ANO4: variants seen among roughly 807,000 people sequenced by gnomAD.
ANO4 encodes the protein anoctamin 4.
A neutral mutation model predicts 141.9 loss-of-function variants in ANO4; 69 were observed. The ratio of observed to expected loss-of-function variants is 0.49; its 90% CI spans 0.40 to 0.59. The LOEUF (loss-of-function observed/expected upper bound fraction) is 0.59, where lower values mean the gene tolerates loss of function less well. Among genes scored for constraint, ANO4 ranks in the 20% least tolerant of loss-of-function variants. ANO4 has a pLI of 0.00. For missense variants in ANO4, 894 were observed against 1,162.2 expected (o/e 0.77, Z 3.36); for synonymous variants, 350 against 394.3 (o/e 0.89, Z 1.33).
chr12:101,056,407 T>C (rs2048118887), intron 14 of ANO4, among the ~76,000 whole-genome samples: 2 of 152,190 alleles, frequency 1.3e-5, no homozygotes, highest in South Asian at 4.1e-4. Flanking sequence ...TCATTGCTAC[T>C]ACATAGAAAT....
At chr12:101,056,015 T>G (rs1311110760) in intron 14 of ANO4, among the ~76,000 whole-genome samples, 1 of 152,180 alleles carries the variant, frequency 6.6e-6, no homozygotes, top group Non-Finnish European at 1.5e-5. Flanking sequence ...TTATGTTTGA[T>G]GTGTATGTGT....
intron 11 of ANO4, 71 bp downstream of exon 11, chr12:101,040,147 G>T: frequency 6.7e-7 from 1 of 1,495,402 alleles, no homozygotes; most frequent in Admixed American, 2.1e-5. Context: ...GCTGGGACAA[G>T]CTCCCAATGA....
At chr12:101,096,969 G>C (rs547559579) in intron 19 of ANO4, among the ~76,000 whole-genome samples, 7 of 152,166 alleles carry the variant, frequency 4.6e-5, no homozygotes, top group Non-Finnish European at 8.8e-5. Flanking sequence ...TATGACGGCA[G>C]GTGGTACAAC....
chr12:100,721,848 T>C (rs2030880971), intron 1 of ANO4, among the ~76,000 whole-genome samples: 1 of 149,100 alleles, frequency 6.7e-6, no homozygotes, highest in Admixed American at 6.9e-5. Context: ...CAGGCTAACT[T>C]TTAATTTTTT....
At chr12:100,844,875 G>C (rs1044268888) in intron 1 of ANO4, among the ~76,000 whole-genome samples, 1 of 152,056 alleles carries the variant, frequency 6.6e-6, no homozygotes, top group Non-Finnish European at 1.5e-5. Context: ...AAGGAAGAAC[G>C]TAGAGAGAGA....
chr12:100,836,822 G>T (rs1272908142), intron 1 of ANO4, among the ~76,000 whole-genome samples: 1 of 152,130 alleles, frequency 6.6e-6, no homozygotes, highest in East Asian at 1.9e-4. Flanking sequence ...ATTTGCATTT[G>T]CCCCATAGGT....
chr12:101,063,962 T>C (rs771743159), intron 14 of ANO4, among the ~76,000 whole-genome samples: 25 of 151,884 alleles, frequency 1.6e-4, no homozygotes, highest in Non-Finnish European at 2.9e-4. Flanking sequence ...ATTGATCTTT[T>C]AAAGAACCAG....
chr12:100,864,899 C>T (rs925998018), intron 1 of ANO4, among the ~76,000 whole-genome samples: 1 of 152,088 alleles, frequency 6.6e-6, no homozygotes, highest in Non-Finnish European at 1.5e-5. Flanking sequence ...CATGTGTCCT[C>T]ATTGTTCAAC....
At chr12:101,014,469 T>G (rs1346576480) in intron 8 of ANO4, among the ~76,000 whole-genome samples, 1 of 152,188 alleles carries the variant, frequency 6.6e-6, no homozygotes, top group Non-Finnish European at 1.5e-5. Context: ...CATTACTTCA[T>G]GAGCAGGCCA....
intron 1 of ANO4, 73 bp from the exon 2 acceptor site, chr12:100,901,573 T>C (rs1393982491): frequency 3.3e-6 from 2 of 611,368 alleles, no homozygotes; most frequent in Non-Finnish European, 5.9e-6. Context: ...CTGGACTTCA[T>C]ATGAGAGCGT....
Position 101,042,332 on chromosome 12 carries a change from A to G in ANO4, c.1020-2A>G. On this transcript the variant is annotated splice_acceptor_variant, in intron 11 of 27. Coordinates refer to ENST00000392977, the MANE Select transcript of ANO4 (RefSeq NM_001286615.2). LOFTEE classifies it high-confidence loss of function. The stretch of plus-strand genomic sequence containing the variant: ...TTTGCAAGGCCGTTGTGTCTTTAAC[A>G]GGCGGTACTTTGGAGAGAAGATTGG... The G allele has an allele frequency of 1.2e-6, 2 of 1,614,088 alleles. No homozygotes were observed. The highest frequency in any genetic ancestry group is 1.7e-6 in the Non-Finnish European group (2 of 1,179,970).
chr12:100,852,960 C>T (rs1247364609), intron 1 of ANO4, among the ~76,000 whole-genome samples: 1 of 152,082 alleles, frequency 6.6e-6, no homozygotes, highest in East Asian at 1.9e-4. Context: ...AGAGGTATAA[C>T]CTTCCTGGGA....
At chr12:100,884,351 G>C (rs1010832259) in intron 1 of ANO4, among the ~76,000 whole-genome samples, 1 of 152,122 alleles carries the variant, frequency 6.6e-6, no homozygotes, top group Non-Finnish European at 1.5e-5. Context: ...ATTCAGACAG[G>C]GCAGCTTCAC....
intron 3 of ANO4, among the ~76,000 whole-genome samples, chr12:100,757,674 G>C (rs752149055): frequency 1.4e-4 from 21 of 152,178 alleles, no homozygotes; most frequent in Non-Finnish European, 2.9e-4. Context: ...CTGATAAGTG[G>C]ATGTCCAGTC....
At chr12:100,999,882 T>TA (rs76908168) in intron 8 of ANO4, among the ~76,000 whole-genome samples, 1,584 of 129,548 alleles carry the variant, frequency 0.012, 5 homozygotes, top group African/African-American at 0.018. Context: ...CCCTCTCTAC[T>TA]AAAAAAAAAA....
At position 100,807,635 on chromosome 12, in the gene ANO4, G is replaced by T. The variant is rs180830913; in HGVS notation, c.-141+12608G>T. Among the ~76,000 whole-genome samples the T allele has an allele frequency of 3.9e-5, 6 of 152,212 alleles. No individual in the cohort carries two copies. The East Asian group carries it at 1.2e-3, about 29-fold the overall frequency. On this transcript the variant is annotated intron_variant, in intron 1 of 27. Transcript: ENST00000392977. ...TGCATAGGTAAACGTGTGCCAGGGT[G>T]GTTTGTGACACAGATCAACCTATCA...
At chr12:101,030,039 T>C (rs1422541071) in intron 9 of ANO4, among the ~76,000 whole-genome samples, 1 of 152,088 alleles carries the variant, frequency 6.6e-6, no homozygotes, top group Non-Finnish European at 1.5e-5. Flanking sequence ...TGGGAGACTT[T>C]AACACTCCAC....
At chr12:100,825,431 T>G (rs1465180637) in intron 1 of ANO4, among the ~76,000 whole-genome samples, 1 of 152,050 alleles carries the variant, frequency 6.6e-6, no homozygotes, top group East Asian at 1.9e-4. Flanking sequence ...AAACATTACG[T>G]GATGCTCAGT....
At chr12:100,890,981 A>C (rs1021091496) in intron 1 of ANO4, among the ~76,000 whole-genome samples, 16 of 152,110 alleles carry the variant, frequency 1.1e-4, no homozygotes, top group Non-Finnish European at 1.5e-5. Context: ...GCAACCACTG[A>C]TCTTTTTACT....
Sources: allele counts gnomAD v4.1 joint callset (sites outside exome capture counted in the v4.1 genomes callset), GRCh38; gene constraint gnomAD v4.1.1; transcripts MANE v1.5; gene names NCBI Gene and HGNC (gene_info 2026-07-23, HGNC 2026-07-21).